Variants in GPR160 observed in about 807,000 individuals in gnomAD.
GPR160 encodes G protein-coupled receptor 160.
A neutral mutation model predicts 2.6 loss-of-function variants in GPR160; 2 were observed. The ratio of observed to expected loss-of-function variants is 0.77; its 90% CI spans 0.32 to 2.44. The LOEUF is 2.44. GPR160 is among the 30% of genes most tolerant of loss of function. The pLI is 0.11. For missense variants in GPR160, 351 were observed against 383.6 expected (o/e 0.91, Z 0.71); for synonymous variants, 130 against 132.2 (o/e 0.98, Z 0.12).
chr3:170,067,231 C>T (rs1216365919), intron 2 of GPR160, among the ~76,000 whole-genome samples: 1 of 152,146 alleles, frequency 6.6e-6, no homozygotes, highest in Non-Finnish European at 1.5e-5. Flanking sequence ...TCTTGAACTC[C>T]TGGACTCAAA....
At chr3:170,045,331 G>A (rs1475191800) in intron 2 of GPR160, among the ~76,000 whole-genome samples, 3 of 142,128 alleles carry the variant, frequency 2.1e-5, no homozygotes, top group Non-Finnish European at 4.5e-5. Flanking sequence ...TTGGGAGGCC[G>A]AGGTGGGTGG....
chr3:170,067,477 A>C (rs544056527), intron 2 of GPR160, among the ~76,000 whole-genome samples: 1 of 151,944 alleles, frequency 6.6e-6, no homozygotes, highest in Non-Finnish European at 1.5e-5. Flanking sequence ...TTAATATTTT[A>C]CCATTTTTTT....
At chr3:170,052,262 G>A (rs1254429010) in intron 2 of GPR160, among the ~76,000 whole-genome samples, 2 of 152,332 alleles carry the variant, frequency 1.3e-5, no homozygotes, top group South Asian at 2.1e-4. Context: ...ATATCTAGTA[G>A]TAGAAGTACT....
chr3:170,062,742 T>G, intron 2 of GPR160: 1 of 1,110,520 alleles, frequency 9.0e-7, no homozygotes, highest in Non-Finnish European at 1.4e-6. Context: ...CACGGATTTC[T>G]ACCCTGTCCC....
chr3:170,075,595 C>T (rs1335419085), intron 2 of GPR160, among the ~76,000 whole-genome samples: 3 of 152,182 alleles, frequency 2.0e-5, no homozygotes, highest in African/African-American at 7.2e-5. Context: ...TGTAATGTAC[C>T]ATCTGGAATG....
At chr3:170,064,520 T>C (rs1346945810) in intron 2 of GPR160, among the ~76,000 whole-genome samples, 9 of 136,102 alleles carry the variant, frequency 6.6e-5, no homozygotes, top group South Asian at 2.4e-4. Context: ...TTTTCTTTTT[T>C]TTTTTTTTTT....
At chr3:170,039,230 C>T (rs187266370) in intron 2 of GPR160, among the ~76,000 whole-genome samples, 187 bp downstream of exon 2, 26 of 152,236 alleles carry the variant, frequency 1.7e-4, no homozygotes, top group African/African-American at 6.0e-4. Flanking sequence ...AAGACCGGCA[C>T]TTGTGATATC....
At chr3:170,047,576 G>A (rs1475674964) in intron 2 of GPR160, among the ~76,000 whole-genome samples, 4 of 151,716 alleles carry the variant, frequency 2.6e-5, no homozygotes, top group South Asian at 2.1e-4. Flanking sequence ...TCATTATGAC[G>A]ATATCAAAAA....
At chr3:170,063,684 A>C (rs1712121720) in intron 2 of GPR160, among the ~76,000 whole-genome samples, 1 of 151,996 alleles carries the variant, frequency 6.6e-6, no homozygotes, top group East Asian at 1.9e-4. Context: ...TATGAGGAAG[A>C]CGCTGTCTCC....
rs1333811291 is a variant in GPR160 at position 170,038,528 on chromosome 3, G to A, written c.-322+313G>A. The stretch of plus-strand genomic sequence containing the variant: ...GGAATGGGCGTGTCCCGCACCCAGA[G>A]ACTCGCCACCCTCTCTCCAGGGGAG... On this transcript the variant is annotated intron_variant, in intron 1 of 3. Coordinates refer to ENST00000355897, the MANE Select transcript of GPR160 (RefSeq NM_014373.3). The surrounding 1 kb of genome is among the most constrained non-coding windows in gnomAD (Gnocchi z 5.3). 1 of 152,248 alleles carries A rather than the reference G, an allele frequency of 6.6e-6. No homozygotes were observed. Among genetic ancestry groups the A allele is most frequent in the Non-Finnish European group, 1.5e-5 (1 of 68,088 alleles). The allele number at this position is 152,248 out of a possible 1,614,324, so 9.4% of individuals were successfully genotyped here.
At chr3:170,063,820 A>G (rs1223657662) in intron 2 of GPR160, among the ~76,000 whole-genome samples, 1 of 152,076 alleles carries the variant, frequency 6.6e-6, no homozygotes, top group African/African-American at 2.4e-5. Context: ...GCTTTCTCGA[A>G]AGCTTACTGA....
At chr3:170,056,474 G>A (rs1050328018) in intron 2 of GPR160, among the ~76,000 whole-genome samples, 1 of 152,108 alleles carries the variant, frequency 6.6e-6, no homozygotes, top group Non-Finnish European at 1.5e-5. Context: ...ATAACAGCCC[G>A]GGGAAACAGG....
At chr3:170,056,218 G>C (rs1266376506) in intron 2 of GPR160, among the ~76,000 whole-genome samples, 2 of 152,144 alleles carry the variant, frequency 1.3e-5, no homozygotes, top group Non-Finnish European at 2.9e-5. Context: ...TATATGTGTA[G>C]AATTTGCAGT....
chr3:170,060,675 G>A (rs7643378), intron 2 of GPR160, among the ~76,000 whole-genome samples: 41,014 of 152,052 alleles, frequency 0.27, 5,972 homozygotes, highest in East Asian at 0.49. Flanking sequence ...GGAGGCTGCG[G>A]TGGGAAGATC....
chr3:170,083,754 C>A (rs1284660051), intron 3 of GPR160, among the ~76,000 whole-genome samples, 151 bp from the exon 4 acceptor site: 1 of 152,084 alleles, frequency 6.6e-6, no homozygotes. Context: ...TAATTTTGTT[C>A]TGTATTCTAT....
At chr3:170,066,224 T>A (rs2108333733) in intron 2 of GPR160, among the ~76,000 whole-genome samples, 1 of 135,002 alleles carries the variant, frequency 7.4e-6, no homozygotes, top group African/African-American at 2.8e-5. Flanking sequence ...CCCTGCAAGC[T>A]CTGCCTCCCG....
At chr3:170,068,663 G>C (rs1205637818) in intron 2 of GPR160, among the ~76,000 whole-genome samples, 1 of 152,044 alleles carries the variant, frequency 6.6e-6, no homozygotes, top group African/African-American at 2.4e-5. Context: ...TTTTCCAAGA[G>C]GTCTTTTTTG....
chr3:170,070,719 T>C (rs2108338217), intron 2 of GPR160, among the ~76,000 whole-genome samples: 1 of 152,338 alleles, frequency 6.6e-6, no homozygotes, highest in Non-Finnish European at 1.5e-5. Context: ...TTTTAGAATC[T>C]GGTAAAACTT....
chr3:170,054,662 T>C (rs1203667050), intron 2 of GPR160, among the ~76,000 whole-genome samples: 1 of 152,230 alleles, frequency 6.6e-6, no homozygotes, highest in East Asian at 1.9e-4. Context: ...GTTTACTTTT[T>C]GTCTATGAAT....
Sources: gnomAD v4.1 joint callset for allele counts (sites outside exome capture counted in the v4.1 genomes callset) on GRCh38, gnomAD v4.1.1 for gene constraint, Gnocchi (gnomAD v3.1) non-coding constraint, MANE v1.5 for transcripts, NCBI Gene and HGNC (gene_info 2026-07-23, HGNC 2026-07-21) for gene names.